The following ZFHX4 variants were observed in gnomAD, a reference collection of about 807,000 sequenced individuals.
ZFHX4 encodes zinc finger homeobox protein 4.
Under a neutral mutation model 267.6 loss-of-function variants are expected in ZFHX4, and 56 were observed. The observed-to-expected ratio is 0.21, with a 90% confidence interval of 0.17 to 0.26. The LOEUF (loss-of-function observed/expected upper bound fraction) is 0.26, where lower values mean the gene tolerates loss of function less well. Among genes scored for constraint, ZFHX4 ranks in the 10% least tolerant of loss-of-function variants. ZFHX4 has a pLI of 1.00. For missense variants in ZFHX4, 4,332 were observed against 4,420.0 expected (o/e 0.98, Z 0.56); for synonymous variants, 1,778 against 1,665.6 (o/e 1.07, Z -1.64).
intron 4 of ZFHX4, among the ~76,000 whole-genome samples, chr8:76,828,373 T>G (rs1037047996): frequency 6.6e-6 from 1 of 152,104 alleles, no homozygotes. Flanking sequence ...GTACAGAGCT[T>G]TGGAGTCAGA....
chr8:76,778,179 T>C (rs752758422), intron 3 of ZFHX4, 29 bp from the exon 4 acceptor site: 3 of 1,460,688 alleles, frequency 2.1e-6, no homozygotes, highest in Non-Finnish European at 2.9e-6. Flanking sequence ...GCTAGACCAT[T>C]GTTCTAATGA....
chr8:76,695,301 C>A (rs1216218958), intron 1 of ZFHX4, among the ~76,000 whole-genome samples: 1 of 152,174 alleles, frequency 6.6e-6, no homozygotes, highest in African/African-American at 2.4e-5. Context: ...GGAAGACCTG[C>A]ATGATGTACC....
rs1813031754 is a variant in ZFHX4 at position 76,866,413 on chromosome 8, T to G, written c.*1848T>G. ...GTTTCGGATGATGATCACAGCAATC[T>G]TTATTCTATACATTTTATGTGAACT... On this transcript the variant is annotated 3_prime_UTR_variant, in exon 11 of 11. Transcript: ENST00000651372. 1 of 152,584 alleles carries G rather than the reference T, an allele frequency of 6.6e-6. No individual in the cohort carries two copies. Among genetic ancestry groups the G allele is most frequent in the Non-Finnish European group, 1.5e-5 (1 of 68,032 alleles). 9.5% of individuals were successfully genotyped at this position (152,584 alleles called of 1,614,324 possible). A position where few individuals can be genotyped will look rare whatever the true frequency, so the allele number is the denominator to read the frequency against.
Position 76,795,426 on chromosome 8 carries a change from A to G in ZFHX4, c.3325+16987A>G, listed in dbSNP as rs542915047. ...GTAGCTTGCACCGTAGGCACACACC[A>G]CCATGCCTGGCTAATTATTTTTATT... On this transcript the variant is annotated intron_variant, in intron 4 of 10. Coordinates refer to ENST00000651372, the MANE Select transcript of ZFHX4 (RefSeq NM_024721.5). Among the ~76,000 whole-genome samples the G allele has an allele frequency of 2.2e-4, 33 of 151,626 alleles. 1 individual carries two copies. The East Asian group carries it at 6.4e-3, about 30-fold the overall frequency.
chr8:76,851,462 G>T lies in ZFHX4; in HGVS notation c.4541G>T (p.Gly1514Val), dbSNP rs752106248. The T allele has an allele frequency of 1.2e-6, 2 of 1,613,848 alleles. No individual in the cohort carries two copies. Among genetic ancestry groups the T allele is most frequent in the South Asian group, 1.1e-5 (1 of 91,080 alleles). The stretch of plus-strand genomic sequence containing the variant: ...AGTAGCTCTATTCCAGATGACATGG[G>T]CTCTGAACCAAAGCGGACCTTACCT... ...SDSSSIPDDM[G>V]SEPKRTLPFR... Residue 1514 changes from glycine to valine, a missense_variant, in exon 10 of 11, where the codon GGC (glycine) becomes GTC (valine). Physicochemically the swap from Gly to Val is moderately radical, Grantham distance 109. Transcript: ENST00000651372.
intron 4 of ZFHX4, among the ~76,000 whole-genome samples, chr8:76,790,968 C>T (rs1390128061): frequency 6.6e-6 from 1 of 152,118 alleles, no homozygotes; most frequent in Non-Finnish European, 1.5e-5. Flanking sequence ...GCCTGGAGGC[C>T]TATGCCTTGC....
intron 3 of ZFHX4, among the ~76,000 whole-genome samples, chr8:76,739,249 A>G (rs894646794): frequency 2.6e-5 from 4 of 152,120 alleles, no homozygotes; most frequent in African/African-American, 7.2e-5. Context: ...TTAAAAGTCC[A>G]TGTTCAATTT....
intron 4 of ZFHX4, among the ~76,000 whole-genome samples, chr8:76,796,549 A>C (rs1262079100): frequency 1.3e-5 from 2 of 152,100 alleles, no homozygotes; most frequent in Non-Finnish European, 2.9e-5. Flanking sequence ...TGACTGCCAC[A>C]CTTGCCGCTG....
chr8:76,745,580 G>GAT (rs113474060), intron 3 of ZFHX4, among the ~76,000 whole-genome samples: 65 of 151,102 alleles, frequency 4.3e-4, no homozygotes, highest in Middle Eastern at 6.8e-3. Flanking sequence ...TTTTCTAAAA[G>GAT]ATATATATAT....
chr8:76,826,290 C>T (rs1563544007), intron 4 of ZFHX4, among the ~76,000 whole-genome samples: 1 of 152,138 alleles, frequency 6.6e-6, no homozygotes, highest in Non-Finnish European at 1.5e-5. Context: ...GGAATTTGCC[C>T]TTGTGATCCA....
chr8:76,702,231 T>C (rs1341285418), intron 1 of ZFHX4, among the ~76,000 whole-genome samples: 3 of 152,184 alleles, frequency 2.0e-5, no homozygotes, highest in Non-Finnish European at 4.4e-5. Context: ...GATGTTTGAT[T>C]TGTGAGCAAT....
intron 4 of ZFHX4, among the ~76,000 whole-genome samples, chr8:76,799,198 C>A (rs776390787): frequency 3.4e-4 from 51 of 152,070 alleles, no homozygotes; most frequent in Non-Finnish European, 6.3e-4. Flanking sequence ...TTCTTGCTAA[C>A]ATTATCACAT....
chr8:76,791,728 G>A (rs1810843114), intron 4 of ZFHX4, among the ~76,000 whole-genome samples: 1 of 152,184 alleles, frequency 6.6e-6, no homozygotes, highest in Non-Finnish European at 1.5e-5. Flanking sequence ...GAGATTCTAT[G>A]TCTTCATCTG....
intron 3 of ZFHX4, among the ~76,000 whole-genome samples, chr8:76,777,210 C>T (rs1365770552): frequency 6.6e-6 from 1 of 152,066 alleles, no homozygotes; most frequent in Non-Finnish European, 1.5e-5. Context: ...TGAACTACCC[C>T]AATTAAAATG....
Position 76,801,104 on chromosome 8 carries a change from G to A in ZFHX4, c.3325+22665G>A, listed in dbSNP as rs561561126. On this transcript the variant is annotated intron_variant, in intron 4 of 10. Coordinates refer to ENST00000651372, the MANE Select transcript of ZFHX4 (RefSeq NM_024721.5). ...TTGTTGTTGTTGTTCTGTAGCACAC[G>A]TGAATTTTTGACTTAATTGACTGGA... 2.0e-4 allele frequency among the ~76,000 whole-genome samples: 31 copies of A among 152,056 alleles called. No homozygotes were observed. In the East Asian group the frequency reaches 5.6e-3, roughly 28 times the overall value.
intron 3 of ZFHX4, among the ~76,000 whole-genome samples, chr8:76,757,967 T>G (rs1320235735): frequency 1.3e-5 from 2 of 152,174 alleles, no homozygotes; most frequent in African/African-American, 4.8e-5. Context: ...CGCAGATACC[T>G]TCATTCATGA....
chr8:76,697,275 T>C (rs576325141), intron 1 of ZFHX4, among the ~76,000 whole-genome samples: 1 of 152,144 alleles, frequency 6.6e-6, no homozygotes, highest in East Asian at 1.9e-4. Flanking sequence ...ACATTGTCTT[T>C]CATATGTCTT....
intron 3 of ZFHX4, among the ~76,000 whole-genome samples, chr8:76,720,608 T>G (rs1808694718): frequency 6.6e-6 from 1 of 152,144 alleles, no homozygotes; most frequent in Non-Finnish European, 1.5e-5. Context: ...AATTTTTGCC[T>G]GATTTGTTCC....
chr8:76,717,545 A>G (rs1808609308), intron 3 of ZFHX4, among the ~76,000 whole-genome samples: 1 of 152,262 alleles, frequency 6.6e-6, no homozygotes, highest in East Asian at 1.9e-4. Flanking sequence ...AACAGCATGG[A>G]AACTCGCAAT....
Sources: allele counts gnomAD v4.1 joint callset (sites outside exome capture counted in the v4.1 genomes callset), GRCh38; gene constraint gnomAD v4.1.1; transcripts MANE v1.5; gene names NCBI Gene and HGNC (gene_info 2026-07-23, HGNC 2026-07-21).